Variants in SORCS3 observed in about 807,000 individuals in gnomAD.
SORCS3 encodes the protein sortilin related VPS10 domain containing receptor 3.
SORCS3 carries 57 observed loss-of-function variants against 146.3 expected under a neutral mutation model. The observed-to-expected ratio is 0.39, with a 90% CI of 0.31 to 0.49. SORCS3 has a LOEUF of 0.49. SORCS3 is among the 20% of genes least tolerant of loss of function. The pLI is 0.92. For synonymous variants in SORCS3, 653 were observed against 618.5 expected (o/e 1.06, Z -0.83); for missense variants, 1,341 against 1,575.5 (o/e 0.85, Z 2.52).
intron 2 of SORCS3, among the ~76,000 whole-genome samples, chr10:104,907,952 G>T (rs557478291): frequency 3.9e-5 from 6 of 152,374 alleles, no homozygotes; most frequent in African/African-American, 1.4e-4. Context: ...GTGACTTTGG[G>T]CACTGGCCCT....
rs900180693 is a variant in SORCS3 at position 105,044,525 on chromosome 10, C to T, written c.1028+1397C>T. Reference sequence around the variant, plus strand: ...ATGCCTTACACAACTTAGGGATGTGCTGTGTGTGTGTTGAAGATGGTGGTA... The same window carrying T: ...ATGCCTTACACAACTTAGGGATGTGTTGTGTGTGTGTTGAAGATGGTGGTA... On this transcript the variant is annotated intron_variant, in intron 5 of 26. Transcript: ENST00000369701. Among the ~76,000 whole-genome samples the T allele has an allele frequency of 1.5e-4, 23 of 152,066 alleles. 1 individual carries two copies. The highest frequency in any genetic ancestry group is 6.6e-5 in the Admixed American group (1 of 15,234).
chr10:104,686,725 A>G (rs142520821), intron 1 of SORCS3, among the ~76,000 whole-genome samples: 1 of 152,108 alleles, frequency 6.6e-6, no homozygotes. Flanking sequence ...CTCACTGCAC[A>G]TGATGGAAAA....
intron 1 of SORCS3, among the ~76,000 whole-genome samples, chr10:104,805,578 TGTCAGTTTC>T (rs1169851521): frequency 6.6e-6 from 1 of 151,878 alleles, no homozygotes; most frequent in East Asian, 1.9e-4. Context: ...TAGGGAGAAA[TGTCAGTTTC>T]CAAGTGGTGT....
At chr10:104,983,891 C>T (rs1279848616) in intron 4 of SORCS3, among the ~76,000 whole-genome samples, 3 of 152,006 alleles carry the variant, frequency 2.0e-5, no homozygotes, top group African/African-American at 7.2e-5. Context: ...AACTCAGGGT[C>T]ATTCTTTCAA....
intron 19 of SORCS3, among the ~76,000 whole-genome samples, chr10:105,219,175 A>G (rs2056683912): frequency 6.6e-6 from 1 of 152,196 alleles, no homozygotes; most frequent in Non-Finnish European, 1.5e-5. Flanking sequence ...AGTTTCACTC[A>G]TGACTATGAT....
intron 1 of SORCS3, among the ~76,000 whole-genome samples, chr10:104,688,498 G>T (rs1218187682): frequency 6.6e-6 from 1 of 152,230 alleles, no homozygotes; most frequent in Non-Finnish European, 1.5e-5. Flanking sequence ...GTGTGGATAC[G>T]TGCAGGAGTG....
At chr10:104,644,670 A>G (rs1227535932) in intron 1 of SORCS3, among the ~76,000 whole-genome samples, 1 of 152,222 alleles carries the variant, frequency 6.6e-6, no homozygotes, top group East Asian at 1.9e-4. Context: ...CCAGGCTCTT[A>G]TGACGTGGAA....
At chr10:104,921,398 T>G (rs1293939036) in intron 3 of SORCS3, among the ~76,000 whole-genome samples, 1 of 152,098 alleles carries the variant, frequency 6.6e-6, no homozygotes, top group East Asian at 1.9e-4. Context: ...CCTGCAACTT[T>G]GGAGACAGTG....
rs138513481 is a variant in SORCS3 at position 104,685,641 on chromosome 10, T to C, written c.627+43687T>C. The stretch of plus-strand genomic sequence containing the variant: ...CCTAAGCCCTGGCCCACCTTCCCCA[T>C]CTTTAAGCCCTTAAAAAAACTTACA... On this transcript the variant is annotated intron_variant, in intron 1 of 26. Transcript: ENST00000369701. Among the ~76,000 whole-genome samples, 21 of 152,306 alleles carry C rather than the reference T, an allele frequency of 1.4e-4. No homozygotes were observed. In the East Asian group the frequency reaches 2.1e-3, roughly 15 times the overall value.
intron 4 of SORCS3, among the ~76,000 whole-genome samples, chr10:105,008,343 G>T (rs1023105645): frequency 2.6e-5 from 4 of 152,302 alleles, no homozygotes; most frequent in African/African-American, 4.8e-5. Flanking sequence ...GATGTCTCAT[G>T]AAAACTCTCT....
chr10:104,945,115 C>T lies in SORCS3; in HGVS notation c.795+29183C>T, dbSNP rs115611169. On this transcript the variant is annotated intron_variant, in intron 3 of 26. Transcript: ENST00000369701. ...TGTTGAGATAAAAAAGAATACATAT[C>T]GTATGACCCCGTTTATATAACATTT... Among the ~76,000 whole-genome samples, 1,307 of 152,210 alleles carry T rather than the reference C, an allele frequency of 8.6e-3. 23 individuals are homozygous for T. Among genetic ancestry groups the T allele is most frequent in the African/African-American group, 0.03 (1,240 of 41,528 alleles).
intron 5 of SORCS3, among the ~76,000 whole-genome samples, chr10:105,063,458 T>C (rs2055501223): frequency 6.6e-6 from 1 of 152,238 alleles, no homozygotes; most frequent in Non-Finnish European, 1.5e-5. Flanking sequence ...TATTTATTTG[T>C]CCTGTTATTC....
intron 7 of SORCS3, among the ~76,000 whole-genome samples, chr10:105,106,879 T>TA (rs1356942481): frequency 2.0e-5 from 3 of 152,154 alleles, no homozygotes; most frequent in Non-Finnish European, 4.4e-5. Flanking sequence ...ATTGAACACA[T>TA]ACATTGCAAA....
rs182332555 is a variant in SORCS3, at chr10:105,237,914, T to C, written c.2869-7628T>C. 6.6e-4 allele frequency among the ~76,000 whole-genome samples: 100 copies of C among 152,328 alleles called. 3 individuals are homozygous for C. Among genetic ancestry groups the C allele is most frequent in the Admixed American group, 6.5e-3 (99 of 15,294 alleles). On this transcript the variant is annotated intron_variant, in intron 20 of 26. Coordinates refer to ENST00000369701, the MANE Select transcript of SORCS3 (RefSeq NM_014978.3). Reference sequence around the variant, plus strand: ...TTGTGTTGGTGTGACTAGGTTACTATGTAAGTAGTTAAATTAAATCATCCT... The same window carrying C: ...TTGTGTTGGTGTGACTAGGTTACTACGTAAGTAGTTAAATTAAATCATCCT...
chr10:104,781,635 A>G (rs1287198175), intron 1 of SORCS3, among the ~76,000 whole-genome samples: 2 of 152,254 alleles, frequency 1.3e-5, no homozygotes, highest in East Asian at 3.8e-4. Flanking sequence ...ACAAAAAATG[A>G]TAATAGAAAG....
chr10:105,010,933 G>A (rs2055132231), intron 4 of SORCS3, among the ~76,000 whole-genome samples: 1 of 152,128 alleles, frequency 6.6e-6, no homozygotes, highest in Admixed American at 6.6e-5. Flanking sequence ...AGTGAGGCTG[G>A]TGAAGGGAGC....
intron 3 of SORCS3, among the ~76,000 whole-genome samples, chr10:104,923,494 C>T (rs887254496): frequency 2.0e-5 from 3 of 152,218 alleles, no homozygotes; most frequent in African/African-American, 7.2e-5. Flanking sequence ...GTCAGAGCAG[C>T]AGCACTACTT....
chr10:104,921,436 G>T (rs980394265), intron 3 of SORCS3, among the ~76,000 whole-genome samples: 2 of 151,716 alleles, frequency 1.3e-5, no homozygotes, highest in Non-Finnish European at 2.9e-5. Context: ...AGCACACACT[G>T]GTCTAACAGC....
At chr10:105,055,670 A>T (rs2055441120) in intron 5 of SORCS3, among the ~76,000 whole-genome samples, 1 of 152,220 alleles carries the variant, frequency 6.6e-6, no homozygotes, top group Admixed American at 6.5e-5. Flanking sequence ...CAAATGGCAC[A>T]TAGCATCACT....
Sources: gnomAD v4.1 joint callset for allele counts (sites outside exome capture counted in the v4.1 genomes callset) on GRCh38, gnomAD v4.1.1 for gene constraint, MANE v1.5 for transcripts, NCBI Gene and HGNC (gene_info 2026-07-23, HGNC 2026-07-21) for gene names.